The following PXDNL variants were observed in gnomAD, a reference collection of about 807,000 sequenced individuals.
PXDNL encodes the protein probable oxidoreductase PXDNL.
PXDNL carries 145 observed loss-of-function variants against 150.8 expected under a neutral mutation model. The ratio of observed to expected loss-of-function variants is 0.96; its 90% CI spans 0.84 to 1.10. The LOEUF is 1.10. Ranked by LOEUF, PXDNL falls within the 50% of genes least tolerant of loss-of-function variation. The pLI is 0.00. For synonymous variants in PXDNL, 757 were observed against 725.7 expected (o/e 1.04, Z -0.69); for missense variants, 2,087 against 1,873.9 (o/e 1.11, Z -2.10).
At chr8:51,781,725 C>A (rs2037417103) in intron 1 of PXDNL, among the ~76,000 whole-genome samples, 1 of 152,202 alleles carries the variant, frequency 6.6e-6, no homozygotes, top group Admixed American at 6.5e-5. Context: ...GTGGTCCAGC[C>A]TGGCAAGAGG....
intron 8 of PXDNL, among the ~76,000 whole-genome samples, chr8:51,462,924 G>A (rs779205455): frequency 1.3e-5 from 2 of 152,090 alleles, no homozygotes; most frequent in African/African-American, 2.4e-5. Context: ...AGGGCTAACA[G>A]CAGACTTCTC....
chr8:51,547,457 CCA>C (rs1335398498), intron 4 of PXDNL, among the ~76,000 whole-genome samples: 1 of 152,196 alleles, frequency 6.6e-6, no homozygotes, highest in South Asian at 2.1e-4. Flanking sequence ...CCCACAACCT[CCA>C]CCAGAGCAGA....
At chr8:51,333,960 A>G (rs1325610328) in intron 21 of PXDNL, among the ~76,000 whole-genome samples, 1 of 152,198 alleles carries the variant, frequency 6.6e-6, no homozygotes, top group African/African-American at 2.4e-5. Context: ...ATGCCTTGTA[A>G]CAAATGGACA....
At chr8:51,435,035 T>A (rs1055006585) in intron 12 of PXDNL, among the ~76,000 whole-genome samples, 2 of 152,292 alleles carry the variant, frequency 1.3e-5, no homozygotes, top group East Asian at 3.9e-4. Context: ...AGAGTCTTCA[T>A]TGGCCGGATG....
chr8:51,715,120 T>C (rs1297885065), intron 1 of PXDNL, among the ~76,000 whole-genome samples: 2 of 152,194 alleles, frequency 1.3e-5, no homozygotes, highest in Admixed American at 6.5e-5. Flanking sequence ...AAGGGATTAA[T>C]ATCAAAGTAT....
chr8:51,744,224 A>AGAAGAGAAAGAAAGAAAAGAGAG (rs2036947915), intron 1 of PXDNL, among the ~76,000 whole-genome samples: 1 of 148,822 alleles, frequency 6.7e-6, no homozygotes, highest in South Asian at 2.2e-4. Context: ...AAGGAAGGGA[A>AGAAGAGAAAGAAAGAAAAGAGAG]GAAGAGAAAG....
intron 2 of PXDNL, among the ~76,000 whole-genome samples, chr8:51,647,041 C>T (rs1405838630): frequency 6.6e-6 from 1 of 152,126 alleles, no homozygotes; most frequent in Non-Finnish European, 1.5e-5. Context: ...GAAATGTATG[C>T]TCTTGGGTGT....
At chr8:51,491,646 G>T (rs1810898461) in intron 5 of PXDNL, among the ~76,000 whole-genome samples, 1 of 152,122 alleles carries the variant, frequency 6.6e-6, no homozygotes, top group African/African-American at 2.4e-5. Context: ...TCCCCAGGCA[G>T]CAGGACTCTC....
intron 3 of PXDNL, among the ~76,000 whole-genome samples, chr8:51,560,973 C>T (rs1038302297): frequency 1.3e-5 from 2 of 151,512 alleles, no homozygotes; most frequent in Non-Finnish European, 2.9e-5. Context: ...GGGTAAAGGA[C>T]TTTAATAGAC....
chr8:51,416,535 T>A (rs13282560), intron 14 of PXDNL, among the ~76,000 whole-genome samples: 119,099 of 152,162 alleles, frequency 0.78, 46,735 homozygotes, highest in East Asian at 0.86. Context: ...GGCTGATGTG[T>A]TTATCAGATA....
chr8:51,518,250 A>T (rs1171234328), intron 4 of PXDNL, among the ~76,000 whole-genome samples: 1 of 152,196 alleles, frequency 6.6e-6, no homozygotes, highest in Non-Finnish European at 1.5e-5. Context: ...CAACTGGCCT[A>T]TAAGAGCTCC....
chr8:51,538,336 G>A (rs777712652), intron 4 of PXDNL, among the ~76,000 whole-genome samples: 10 of 151,502 alleles, frequency 6.6e-5, no homozygotes, highest in Non-Finnish European at 8.8e-5. Context: ...TTTGGTGATA[G>A]AAATTCCAAC....
intron 19 of PXDNL, among the ~76,000 whole-genome samples, chr8:51,366,558 C>T (rs1272339971): frequency 6.6e-6 from 1 of 151,534 alleles, no homozygotes; most frequent in Non-Finnish European, 1.5e-5. Flanking sequence ...TGTATACAGA[C>T]ATAGAAGATA....
intron 8 of PXDNL, among the ~76,000 whole-genome samples, chr8:51,470,355 T>C (rs116984731): frequency 0.012 from 1,869 of 152,186 alleles, 12 homozygotes; most frequent in Non-Finnish European, 0.017. Context: ...GCTACAATTA[T>C]AAATCCAAAT....
chr8:51,355,280 A>C (rs980465631), intron 19 of PXDNL, among the ~76,000 whole-genome samples: 39 of 152,202 alleles, frequency 2.6e-4, no homozygotes, highest in Non-Finnish European at 5.0e-4. Context: ...TTAGTTCACA[A>C]ACATAAGCAC....
chr8:51,327,642 AC>A (rs1460271241), intron 21 of PXDNL, among the ~76,000 whole-genome samples: 1 of 152,190 alleles, frequency 6.6e-6, no homozygotes, highest in African/African-American at 2.4e-5. Context: ...TGGCCCATAA[AC>A]CTGAAGAACC....
intron 4 of PXDNL, among the ~76,000 whole-genome samples, chr8:51,529,059 G>A (rs764344706): frequency 4.5e-4 from 69 of 152,310 alleles, no homozygotes; most frequent in Non-Finnish European, 8.7e-4. Context: ...TTGTTATACA[G>A]TTATAAACAT....
chr8:51,697,827 C>T (rs1816178332), intron 1 of PXDNL, among the ~76,000 whole-genome samples: 1 of 152,162 alleles, frequency 6.6e-6, no homozygotes, highest in African/African-American at 2.4e-5. Flanking sequence ...CTCATAACAG[C>T]ATAGTTTGGA....
At chr8:51,386,203 C>T (rs1270147187) in intron 17 of PXDNL, among the ~76,000 whole-genome samples, 1 of 152,058 alleles carries the variant, frequency 6.6e-6, no homozygotes, top group Non-Finnish European at 1.5e-5. Flanking sequence ...AGCAATTCTT[C>T]TGCCTCAGCC....
Sources: gnomAD v4.1 joint callset for allele counts (sites outside exome capture counted in the v4.1 genomes callset) on GRCh38, gnomAD v4.1.1 for gene constraint, MANE v1.5 for transcripts, NCBI Gene and HGNC (gene_info 2026-07-23, HGNC 2026-07-21) for gene names.